SNX24: variants seen among roughly 807,000 people sequenced by gnomAD.
SNX24 encodes the protein sorting nexin 24.
SNX24 carries 22 observed loss-of-function variants against 28.7 expected under a neutral mutation model. The ratio of observed to expected loss-of-function variants is 0.77; its 90% CI spans 0.55 to 1.10. The LOEUF is 1.10. Ranked by LOEUF, SNX24 falls within the 50% of genes least tolerant of loss-of-function variation. The probability of loss-of-function intolerance (pLI) is 0.00; values close to 1 mark genes in which losing one functional copy is unlikely to be tolerated. For synonymous variants in SNX24, 69 were observed against 71.5 expected (o/e 0.96, Z 0.18); for missense variants, 221 against 201.1 (o/e 1.10, Z -0.60).
Position 123,007,809 on chromosome 5 carries a change from A to T in SNX24, c.*60A>T. ...TTCGAAGTCACAGTCAAGGAAATCA[A>T]TACCTACCAATTTAACCTAAACGCT... is the stretch of plus-strand genomic sequence containing the variant. On this transcript the variant is annotated 3_prime_UTR_variant, in exon 7 of 7. Coordinates refer to ENST00000261369, the MANE Select transcript of SNX24 (RefSeq NM_014035.4). 1 of 1,575,178 alleles carries T rather than the reference A, an allele frequency of 6.3e-7. No homozygotes were observed. Among genetic ancestry groups the T allele is most frequent in the South Asian group, 1.2e-5 (1 of 83,700 alleles).
intron 3 of SNX24, among the ~76,000 whole-genome samples, chr5:122,990,000 A>T (rs1375426849): frequency 6.6e-6 from 1 of 152,210 alleles, no homozygotes; most frequent in East Asian, 1.9e-4. Context: ...TGTGTATTTT[A>T]GTGAACAACT....
At chr5:122,944,491 G>C (rs1193925032) in intron 2 of SNX24, among the ~76,000 whole-genome samples, 1 of 152,172 alleles carries the variant, frequency 6.6e-6, no homozygotes, top group Non-Finnish European at 1.5e-5. Flanking sequence ...AGCAGTGCTA[G>C]CCACATCCCT....
intron 1 of SNX24, among the ~76,000 whole-genome samples, chr5:122,915,389 G>T (rs1303009154): frequency 1.3e-5 from 2 of 152,252 alleles, no homozygotes; most frequent in Non-Finnish European, 2.9e-5. Flanking sequence ...AACTTGGGAG[G>T]CTGAGACAGG....
intron 3 of SNX24, among the ~76,000 whole-genome samples, chr5:122,999,479 T>A (rs62377431): frequency 9.4e-5 from 13 of 138,496 alleles, no homozygotes; most frequent in African/African-American, 3.3e-4. Context: ...CACACACACA[T>A]GTATACATAA....
At chr5:123,012,107 G>T (rs1762592483), downstream of SNX24, among the ~76,000 whole-genome samples, 1 of 152,176 alleles carries the variant, frequency 6.6e-6, no homozygotes, top group Non-Finnish European at 1.5e-5. Flanking sequence ...ATGTGAAGAA[G>T]GATGTGTTTG....
At chr5:122,915,494 G>A (rs1758119850) in intron 1 of SNX24, among the ~76,000 whole-genome samples, 1 of 152,054 alleles carries the variant, frequency 6.6e-6, no homozygotes, top group African/African-American at 2.4e-5. Context: ...AGGCCTGGTG[G>A]TGTCACCTGT....
chr5:122,990,313 G>C (rs425573), intron 3 of SNX24, among the ~76,000 whole-genome samples: 33,903 of 152,052 alleles, frequency 0.22, 4,814 homozygotes, highest in Non-Finnish European at 0.33. Context: ...TAAATATATT[G>C]TTATAACCGA....
At chr5:123,029,198 A>G in intron 5 of SNX24, 1 of 1,576,304 alleles carries the variant, frequency 6.3e-7, no homozygotes, top group Non-Finnish European at 8.6e-7. Flanking sequence ...AAATGTGGTA[A>G]GGTTCATCTG....
chr5:122,850,810 C>A (rs1057026575), intron 1 of SNX24, among the ~76,000 whole-genome samples: 4 of 137,112 alleles, frequency 2.9e-5, no homozygotes, highest in African/African-American at 1.1e-4. Context: ...AAAAAAAAAC[C>A]CACAGAGAAA....
In SNX24 at chr5:122,925,059, C is replaced by T. The variant is rs554830804; in HGVS notation, c.61-11675C>T. On this transcript the variant is annotated intron_variant, in intron 1 of 6. Coordinates refer to ENST00000261369, the MANE Select transcript of SNX24 (RefSeq NM_014035.4). ...CCACATTCTCTACCCATCCTCCTCC[C>T]TCCCCTCTCCCTTTTCCCTCCTCTT... is the stretch of plus-strand genomic sequence containing the variant. Among the ~76,000 whole-genome samples, 247 of 144,058 alleles carry T rather than the reference C, an allele frequency of 1.7e-3. 2 individuals carry two copies. Among genetic ancestry groups the T allele is most frequent in the African/African-American group, 5.9e-3 (227 of 38,330 alleles). 94.5% of individuals were successfully genotyped at this position (144,058 alleles called of 152,430 possible).
In SNX24 at chr5:122,876,764, G is replaced by A. The variant is rs140219274; in HGVS notation, c.60+31071G>A. 2.2e-3 allele frequency among the ~76,000 whole-genome samples: 333 copies of A among 152,330 alleles called. 1 individual carries two copies. Among genetic ancestry groups the A allele is most frequent in the African/African-American group, 7.8e-3 (325 of 41,574 alleles). On this transcript the variant is annotated intron_variant, in intron 1 of 6. Transcript: ENST00000261369. ...AAATGAGATCAATGAGGAGTGGAGTGCAGTACCCGGAAGACCTCCTGCAAG... is the reference window on the plus strand; with the variant it reads ...AAATGAGATCAATGAGGAGTGGAGTACAGTACCCGGAAGACCTCCTGCAAG...
At chr5:122,938,350 C>T (rs891194026) in intron 2 of SNX24, among the ~76,000 whole-genome samples, 2 of 152,202 alleles carry the variant, frequency 1.3e-5, no homozygotes, top group African/African-American at 4.8e-5. Context: ...TCTCTTCTCT[C>T]AGTTTCTGCA....
chr5:122,911,166 T>A (rs1301571700), intron 1 of SNX24, among the ~76,000 whole-genome samples: 2 of 152,356 alleles, frequency 1.3e-5, no homozygotes, highest in East Asian at 3.9e-4. Context: ...CCATTCTAAC[T>A]GGAGTGAGAT....
At chr5:122,925,466 T>A (rs1758655017) in intron 1 of SNX24, among the ~76,000 whole-genome samples, 1 of 151,640 alleles carries the variant, frequency 6.6e-6, no homozygotes, top group Non-Finnish European at 1.5e-5. Flanking sequence ...GATCTCCCTA[T>A]ATTGCCCAGC....
intron 1 of SNX24, among the ~76,000 whole-genome samples, chr5:122,882,668 T>C (rs1229069612): frequency 6.6e-6 from 1 of 152,204 alleles, no homozygotes; most frequent in Admixed American, 6.5e-5. Context: ...GGAAAAAATA[T>C]AGAGATAAAA....
rs944937950 is a variant in SNX24, at chr5:122,875,813, C to G, written c.60+30120C>G. 4.6e-5 allele frequency among the ~76,000 whole-genome samples: 7 copies of G among 152,164 alleles called. 1 individual carries two copies. The South Asian group carries it at 1.5e-3, about 32-fold the overall frequency. On this transcript the variant is annotated intron_variant, in intron 1 of 6. Coordinates refer to ENST00000261369, the MANE Select transcript of SNX24 (RefSeq NM_014035.4). ...CTTATTTATTTATTTTTTTGAGACA[C>G]AGTCTTGCTCTTAGCGCCCAGGCTG...
chr5:122,951,972 T>G (rs1396898366), intron 3 of SNX24, among the ~76,000 whole-genome samples: 2 of 152,226 alleles, frequency 1.3e-5, no homozygotes, highest in African/African-American at 4.8e-5. Flanking sequence ...AAACCTTGAG[T>G]GCTGGCATGA....
intron 1 of SNX24, among the ~76,000 whole-genome samples, chr5:122,927,684 T>G (rs1236329149): frequency 6.6e-6 from 1 of 152,206 alleles, no homozygotes; most frequent in Non-Finnish European, 1.5e-5. Flanking sequence ...GTTGCTGAAA[T>G]GATAAAACCA....
intron 1 of SNX24, among the ~76,000 whole-genome samples, chr5:122,929,657 C>CA (rs1758862357): frequency 1.3e-5 from 2 of 151,926 alleles, no homozygotes; most frequent in Non-Finnish European, 1.5e-5. Context: ...TTTTTCTTGA[C>CA]AGAGAAAGAC....
Sources: allele counts gnomAD v4.1 joint callset (sites outside exome capture counted in the v4.1 genomes callset), GRCh38; gene constraint gnomAD v4.1.1; transcripts MANE v1.5; gene names NCBI Gene and HGNC (gene_info 2026-07-23, HGNC 2026-07-21).